ZNF140: variants seen among roughly 807,000 people sequenced by gnomAD.
ZNF140 encodes zinc finger protein 140 (clone pHZ-39).
ZNF140 carries 13 observed loss-of-function variants against 12.9 expected under a neutral mutation model. The observed-to-expected ratio is 1.01, with a 90% CI of 0.66 to 1.60. The LOEUF is 1.60. ZNF140 is among the 40% of genes most tolerant of loss of function. ZNF140 has a pLI of 0.00. For synonymous variants in ZNF140, 214 were observed against 186.7 expected (o/e 1.15, Z -1.19); for missense variants, 531 against 548.8 (o/e 0.97, Z 0.32).
At chr12:133,081,623 C>G (rs1271916428) in intron 2 of ZNF140, 7 of 452,558 alleles carry the variant, frequency 1.5e-5, no homozygotes, top group African/African-American at 1.4e-4. Context: ...GGTGCTTATA[C>G]TTAAGTATAC....
chr12:133,100,018 G>A (rs940218963), intron 4 of ZNF140, among the ~76,000 whole-genome samples: 56 of 151,408 alleles, frequency 3.7e-4, no homozygotes, highest in Non-Finnish European at 8.1e-4. Flanking sequence ...TCTGATGTAC[G>A]GTAATCCTCC....
chr12:133,101,769 T>C (rs1356576720), intron 4 of ZNF140, among the ~76,000 whole-genome samples: 3 of 152,170 alleles, frequency 2.0e-5, no homozygotes, highest in Non-Finnish European at 1.5e-5. Flanking sequence ...ATTTCTAGTA[T>C]TTCCTTTTGA....
chr12:133,100,622 TGAGA>T (rs1299801910), intron 4 of ZNF140, among the ~76,000 whole-genome samples: 2 of 152,180 alleles, frequency 1.3e-5, no homozygotes, highest in East Asian at 1.9e-4. Context: ...CCTCAGCATA[TGAGA>T]GAGTTTTTCC....
chr12:133,083,016 C>T (rs1489606923), intron 2 of ZNF140, 87 bp from the exon 3 acceptor site: 4 of 1,598,682 alleles, frequency 2.5e-6, no homozygotes, highest in Non-Finnish European at 3.4e-6. Context: ...CATTGCCTAA[C>T]CTCCACAGTG....
chr12:133,102,388 T>G (rs1028173698), intron 4 of ZNF140, among the ~76,000 whole-genome samples: 6 of 152,136 alleles, frequency 3.9e-5, no homozygotes, highest in Non-Finnish European at 7.4e-5. Flanking sequence ...TCTAAAAAAT[T>G]TCCTTGGAGT....
At position 133,081,025 on chromosome 12, in the gene ZNF140, C is replaced by T. The variant is rs1464185885; in HGVS notation, c.-96C>T. 5.7e-5 allele frequency: 11 copies of T among 194,262 alleles called. No individual in the cohort carries two copies. The highest frequency in any genetic ancestry group is 1.8e-4 in the Admixed American group (3 of 16,440). The allele number at this position is 194,262 out of a possible 1,614,324, so 12.0% of individuals were successfully genotyped here. ...CCGGAGCCCTGGAACGCTACGCCCA[C>T]CTGGCGGAAAGCACCACGGAAACGC... On this transcript the variant is annotated 5_prime_UTR_variant, in exon 1 of 5. Transcript: ENST00000355557.
intron 2 of ZNF140, 159 bp from the exon 3 acceptor site, chr12:133,082,944 C>T (rs1458113148): frequency 2.9e-6 from 3 of 1,033,012 alleles, no homozygotes; most frequent in East Asian, 2.4e-5. Context: ...AACACAAGAG[C>T]TAGGCTCTTC....
chr12:133,088,991 A>G (rs1490360489), intron 4 of ZNF140, among the ~76,000 whole-genome samples: 1 of 152,138 alleles, frequency 6.6e-6, no homozygotes, highest in Non-Finnish European at 1.5e-5. Flanking sequence ...TTTTACATTT[A>G]TGTTCATGAG....
chr12:133,100,590 C>T (rs1276182875), intron 4 of ZNF140, among the ~76,000 whole-genome samples: 2 of 152,256 alleles, frequency 1.3e-5, no homozygotes, highest in East Asian at 3.9e-4. Context: ...ATAGAAGACT[C>T]ATTCTGCTGT....
At chr12:133,090,045 C>A (rs111677124) in intron 4 of ZNF140, among the ~76,000 whole-genome samples, 1 of 151,948 alleles carries the variant, frequency 6.6e-6, no homozygotes, top group African/African-American at 2.4e-5. Flanking sequence ...GATGGGGTCT[C>A]ATCATGTTGG....
intron 4 of ZNF140, among the ~76,000 whole-genome samples, chr12:133,103,269 T>G (rs1341464182): frequency 3.3e-5 from 5 of 152,164 alleles, no homozygotes; most frequent in Non-Finnish European, 7.3e-5. Context: ...CTGAGCTTAT[T>G]CTTCATATCT....
chr12:133,095,486 G>T (rs989224142), intron 4 of ZNF140, among the ~76,000 whole-genome samples: 11 of 151,124 alleles, frequency 7.3e-5, no homozygotes, highest in African/African-American at 2.7e-4. Flanking sequence ...GGGGTGGCCT[G>T]CCCCTCCACA....
At position 133,105,737 on chromosome 12, in the gene ZNF140, A is replaced by G. The variant is rs1015675891; in HGVS notation, c.460A>G (p.Ile154Val). ...AGAAGCCCTGGCTCAACATATGAATATCAGTACTGTGGAGAGGCCCTATGG... is the reference window on the plus strand; with the variant it reads ...AGAAGCCCTGGCTCAACATATGAATGTCAGTACTGTGGAGAGGCCCTATGG... Reference protein sequence around the residue: ...HQEALAQHMNISTVERPYGCH... With the variant: ...HQEALAQHMNVSTVERPYGCH... The change falls in exon 5 of 5, where the codon ATC becomes GTC. Residue 154 changes from isoleucine to valine, a missense_variant. Physicochemically the swap from Ile to Val is conservative, Grantham distance 29 (BLOSUM62 3). Transcript: ENST00000355557. 1.4e-5 allele frequency: 23 copies of G among 1,614,078 alleles called. No individual in the cohort carries two copies. Among genetic ancestry groups the G allele is most frequent in the Admixed American group, 3.3e-5 (2 of 60,004 alleles).
At chr12:133,100,363 C>T (rs1955303447) in intron 4 of ZNF140, among the ~76,000 whole-genome samples, 1 of 151,890 alleles carries the variant, frequency 6.6e-6, no homozygotes, top group Non-Finnish European at 1.5e-5. Flanking sequence ...GAGATGGGTG[C>T]TCCATATCTT....
intron 2 of ZNF140, chr12:133,082,625 TTTAGGA>T (rs1954541130): frequency 6.5e-6 from 1 of 154,310 alleles, no homozygotes; most frequent in Admixed American, 6.4e-5. Flanking sequence ...CAGGTATTTC[TTTAGGA>T]TTAGGGATAA....
In ZNF140 at chr12:133,083,513, A is replaced by T; in HGVS notation, c.184A>T (p.Lys62Ter). Residue 62 changes from lysine (K) to a stop codon, truncating the protein, a stop_gained, in exon 4 of 5, where the codon AAA becomes TAA. Transcript: ENST00000355557. LOFTEE classifies it low-confidence loss of function (END_TRUNC). Reference protein sequence around the residue: ...PDVVSLLEQGKEPWLGKREVK... With the variant: ...PDVVSLLEQG Reference sequence around the variant, plus strand: ...TGTGGTTTCCTTATTGGAGCAAGGGAAAGAACCCTGGCTGGGGAAAAGGGA... The same window carrying T: ...TGTGGTTTCCTTATTGGAGCAAGGGTAAGAACCCTGGCTGGGGAAAAGGGA... 1 of 1,614,050 alleles carries T rather than the reference A, an allele frequency of 6.2e-7. No individual in the cohort carries two copies. The highest frequency in any genetic ancestry group is 8.5e-7 in the Non-Finnish European group (1 of 1,179,958).
chr12:133,081,280 AT>A lies in ZNF140; in HGVS notation c.-37del. On this transcript the variant is annotated 5_prime_UTR_variant, in exon 2 of 5. Transcript: ENST00000355557. ...CCTTTCTCTCTCTGCCAGGTCTGCC[AT>A]TTTACACTTTTCTGATCTCCTCCTT... 1 of 1,538,856 alleles carries A rather than the reference AT, an allele frequency of 6.5e-7. No individual in the cohort carries two copies. Among genetic ancestry groups the A allele is most frequent in the Non-Finnish European group, 8.8e-7 (1 of 1,133,780 alleles).
Position 133,081,260 on chromosome 12 carries a change from C to A in ZNF140, c.-48-13C>A. On this transcript the variant is annotated splice_polypyrimidine_tract_variant and intron_variant, in intron 1 of 4. Transcript: ENST00000355557. ...TGGCCTGTTCGCTCAGGGCTCCTTT[C>A]TCTCTCTGCCAGGTCTGCCATTTTA... 2 of 1,507,682 alleles carry A rather than the reference C, an allele frequency of 1.3e-6. No individual in the cohort carries two copies. The highest frequency in any genetic ancestry group is 1.8e-6 in the Non-Finnish European group (2 of 1,106,092). The allele number at this position is 1,507,682 out of a possible 1,614,324, so 93.4% of individuals were successfully genotyped here.
intron 4 of ZNF140, among the ~76,000 whole-genome samples, chr12:133,099,222 G>C (rs1593791470): frequency 6.6e-6 from 1 of 151,948 alleles, no homozygotes; most frequent in African/African-American, 2.4e-5. Flanking sequence ...ACCCAGGCTG[G>C]AGTGCCATGG....
Sources: allele counts gnomAD v4.1 joint callset (sites outside exome capture counted in the v4.1 genomes callset), GRCh38; gene constraint gnomAD v4.1.1; transcripts MANE v1.5; gene names NCBI Gene and HGNC (gene_info 2026-07-23, HGNC 2026-07-21).